The following GLCE variants were observed in gnomAD, a reference collection of about 807,000 sequenced individuals.
GLCE encodes the protein D-glucuronyl C5-epimerase.
Under a neutral mutation model 47.9 loss-of-function variants are expected in GLCE, and 19 were observed. The ratio of observed to expected loss-of-function variants is 0.40; its 90% CI spans 0.28 to 0.58. GLCE has a LOEUF of 0.58. GLCE is among the 20% of genes least tolerant of loss of function. GLCE has a pLI of 0.48. For missense variants in GLCE, 556 were observed against 743.3 expected (o/e 0.75, Z 2.93); for synonymous variants, 245 against 263.4 (o/e 0.93, Z 0.68).
At chr15:69,222,045 A>T (rs1300339194) in intron 2 of GLCE, among the ~76,000 whole-genome samples, 1 of 152,014 alleles carries the variant, frequency 6.6e-6, no homozygotes, top group African/African-American at 2.4e-5. Flanking sequence ...CACAAGTTGC[A>T]TGTGGTTGAA....
Position 69,269,224 on chromosome 15 carries a change from A to G in GLCE, c.1834A>G (p.Ser612Gly). Reference sequence around the variant, plus strand: ...GAGGTGGAAAAGCTACCTTAAAGGCAGCAGGGCAAAGCACAACTAGAGCTC... The same window carrying G: ...GAGGTGGAAAAGCTACCTTAAAGGCGGCAGGGCAAAGCACAACTAGAGCTC... ...VKRWKSYLKG[S>G]RAKHN The change falls in exon 5 of 5, where the codon AGC becomes GGC. Residue 612 changes from serine to glycine, a missense_variant. This residue lies in a region of GLCE where 245 missense variants were observed against 368.1 expected (regional missense o/e 0.67). Coordinates refer to ENST00000261858, the MANE Select transcript of GLCE (RefSeq NM_015554.3). 1 of 1,614,014 alleles carries G rather than the reference A, an allele frequency of 6.2e-7. No individual in the cohort carries two copies. The highest frequency in any genetic ancestry group is 8.5e-7 in the Non-Finnish European group (1 of 1,179,900).
chr15:69,202,919 T>G (rs1335628045), intron 1 of GLCE, among the ~76,000 whole-genome samples: 1 of 152,154 alleles, frequency 6.6e-6, no homozygotes, highest in African/African-American at 2.4e-5. Context: ...AAATATATTT[T>G]ATATAAAACT....
At chr15:69,185,461 G>A (rs75906610) in intron 1 of GLCE, among the ~76,000 whole-genome samples, 1,754 of 152,150 alleles carry the variant, frequency 0.012, 27 homozygotes, top group African/African-American at 0.038. Context: ...AAAGTGGACT[G>A]GGTTGTGATT....
intron 1 of GLCE, among the ~76,000 whole-genome samples, chr15:69,182,430 T>A (rs2051763997): frequency 6.6e-6 from 1 of 152,064 alleles, no homozygotes; most frequent in South Asian, 2.1e-4. Flanking sequence ...CATGCAGCTC[T>A]GTAGGTATCA....
chr15:69,240,641 G>A (rs897565266), intron 2 of GLCE, among the ~76,000 whole-genome samples: 4 of 151,924 alleles, frequency 2.6e-5, no homozygotes, highest in Admixed American at 2.6e-4. Flanking sequence ...ATCCGAATAA[G>A]AAACAATAAA....
intron 2 of GLCE, among the ~76,000 whole-genome samples, chr15:69,245,225 C>T (rs921692642): frequency 1.3e-5 from 2 of 150,230 alleles, no homozygotes; most frequent in Admixed American, 6.7e-5. Context: ...CCCAGCTACT[C>T]AGGAGGCTGA....
chr15:69,200,794 T>G (rs1306819715), intron 1 of GLCE, among the ~76,000 whole-genome samples: 3 of 152,148 alleles, frequency 2.0e-5, no homozygotes, highest in African/African-American at 7.2e-5. Context: ...CTTTTTAATC[T>G]TACAGTTCTG....
chr15:69,266,090 C>G (rs1031547097), intron 4 of GLCE, among the ~76,000 whole-genome samples: 2 of 152,178 alleles, frequency 1.3e-5, no homozygotes, highest in Non-Finnish European at 2.9e-5. Context: ...TAGAAGTTTA[C>G]TTCTGCAATC....
intron 1 of GLCE, among the ~76,000 whole-genome samples, chr15:69,191,796 C>A (rs753289426): frequency 6.6e-6 from 1 of 152,168 alleles, no homozygotes; most frequent in Non-Finnish European, 1.5e-5. Flanking sequence ...CCTAACCTTA[C>A]AAGTAGGCCT....
At chr15:69,184,446 TTAC>T (rs1401890479) in intron 1 of GLCE, among the ~76,000 whole-genome samples, 1 of 152,252 alleles carries the variant, frequency 6.6e-6, no homozygotes, top group Non-Finnish European at 1.5e-5. Flanking sequence ...CTAGTTTATA[TTAC>T]TACATTTAAA....
rs1321421933 is a variant in GLCE, at chr15:69,163,649, T to C, written c.-105+2892T>C. ...AAGCCTATAAGGATACACATCAGAC[T>C]TAACCATGTTTGGATTCTTCAGGAG... On this transcript the variant is annotated intron_variant, in intron 1 of 4. Coordinates refer to ENST00000261858, the MANE Select transcript of GLCE (RefSeq NM_015554.3). Among the ~76,000 whole-genome samples the C allele has an allele frequency of 2.6e-5, 4 of 152,342 alleles. No homozygotes were observed. The East Asian group carries it at 7.7e-4, about 29-fold the overall frequency.
chr15:69,270,545 A>G lies in GLCE; in HGVS notation c.*1301A>G, dbSNP rs2140463165. On this transcript the variant is annotated 3_prime_UTR_variant, in exon 5 of 5. Coordinates refer to ENST00000261858, the MANE Select transcript of GLCE (RefSeq NM_015554.3). Reference sequence around the variant, plus strand: ...TGACAGTACACTAAATCAATACTATATCTTATACAGTTTGAAAATATGATA... The same window carrying G: ...TGACAGTACACTAAATCAATACTATGTCTTATACAGTTTGAAAATATGATA... 1 of 152,304 alleles carries G rather than the reference A, an allele frequency of 6.6e-6. No individual in the cohort carries two copies. The highest frequency in any genetic ancestry group is 1.9e-4 in the East Asian group (1 of 5,188). 9.4% of individuals were successfully genotyped at this position (152,304 alleles called of 1,614,324 possible).
In GLCE at chr15:69,269,038, C is replaced by T; in HGVS notation, c.1648C>T (p.Pro550Ser). Residue 550 changes from proline to serine, a missense_variant, in exon 5 of 5, where the codon CCC becomes TCC. Transcript: ENST00000261858. ...CATGGAATCTCTTAAAGCCATGCTG[C>T]CCTTGTATGACACTGGCTCAGGAAC... ...RGMESLKAML[P>S]LYDTGSGTIY... The T allele has an allele frequency of 6.2e-7, 1 of 1,614,098 alleles. No homozygotes were observed. Among genetic ancestry groups the T allele is most frequent in the Non-Finnish European group, 8.5e-7 (1 of 1,179,964 alleles).
chr15:69,265,181 T>C (rs1231297828), intron 4 of GLCE, among the ~76,000 whole-genome samples: 8 of 152,086 alleles, frequency 5.3e-5, no homozygotes, highest in African/African-American at 1.2e-4. Context: ...GTGTCACATA[T>C]ACCAAAAATA....
At chr15:69,258,514 A>G (rs562225039) in intron 3 of GLCE, among the ~76,000 whole-genome samples, 43 of 152,336 alleles carry the variant, frequency 2.8e-4, no homozygotes, top group African/African-American at 9.9e-4. Flanking sequence ...TATGTAATGT[A>G]TGAGACCCTT....
At chr15:69,200,297 T>C (rs1329586720) in intron 1 of GLCE, among the ~76,000 whole-genome samples, 1 of 152,140 alleles carries the variant, frequency 6.6e-6, no homozygotes, top group Non-Finnish European at 1.5e-5. Flanking sequence ...AAAGAAATGG[T>C]TCCAGATTTA....
At chr15:69,170,941 T>A (rs544314412) in intron 1 of GLCE, among the ~76,000 whole-genome samples, 1 of 152,204 alleles carries the variant, frequency 6.6e-6, no homozygotes, top group Non-Finnish European at 1.5e-5. Context: ...ATGAAAGCTA[T>A]TTGGAGGTAT....
intron 2 of GLCE, among the ~76,000 whole-genome samples, chr15:69,228,933 C>T (rs2052483861): frequency 6.6e-6 from 1 of 152,078 alleles, no homozygotes; most frequent in South Asian, 2.1e-4. Flanking sequence ...AACGATTTGC[C>T]CACCTTGGCT....
chr15:69,169,853 T>C (rs1037873199), intron 1 of GLCE, among the ~76,000 whole-genome samples: 1 of 152,166 alleles, frequency 6.6e-6, no homozygotes, highest in African/African-American at 2.4e-5. Flanking sequence ...GCAATAAACA[T>C]ACGAACACAC....
Sources: allele counts gnomAD v4.1 joint callset (sites outside exome capture counted in the v4.1 genomes callset), GRCh38; gene constraint gnomAD v4.1.1; regional missense constraint gnomAD v4.1.1; transcripts MANE v1.5; gene names NCBI Gene and HGNC (gene_info 2026-07-23, HGNC 2026-07-21).